CD8A: variants seen among roughly 807,000 people sequenced by gnomAD.
CD8A encodes the protein CD8 subunit alpha, also known as T-cell surface glycoprotein CD8 alpha chain.
CD8A carries 25 observed loss-of-function variants against 24.2 expected under a neutral mutation model. The ratio of observed to expected loss-of-function variants is 1.03; its 90% CI spans 0.75 to 1.44. CD8A has a LOEUF of 1.44. CD8A is among the 40% of genes most tolerant of loss of function. CD8A has a pLI of 0.00. For missense variants in CD8A, 360 were observed against 319.7 expected, an observed-to-expected ratio of 1.13 and a Z score of -0.96; for synonymous variants, 165 against 149.9, an observed-to-expected ratio of 1.10 and a Z score of -0.74.
At chr2:86,793,982 G>A (rs35437846), upstream of CD8A, among the ~76,000 whole-genome samples, 29,491 of 152,118 alleles carry the variant, frequency 0.19, 3,115 homozygotes, top group Non-Finnish European at 0.25. Context: ...TTTGCAGAAC[G>A]TGGTGGATTT....
At chr2:86,788,331 G>T (rs1448918157) in intron 5 of CD8A, among the ~76,000 whole-genome samples, 199 bp downstream of exon 5, 1 of 140,702 alleles carries the variant, frequency 7.1e-6, no homozygotes, top group African/African-American at 2.7e-5. Flanking sequence ...CGCCTAACCC[G>T]GGCCTCCTTT....
At chr2:86,804,451 C>T (rs748942177) in intron 2 of CD8A, among the ~76,000 whole-genome samples, 7 of 151,964 alleles carry the variant, frequency 4.6e-5, no homozygotes, top group South Asian at 2.1e-4. Context: ...TTATGTTTAA[C>T]GGTTATAGAG....
In CD8A at chr2:86,789,699, A is replaced by G; in HGVS notation, c.455T>C (p.Ile152Thr). 1 of 1,402,682 alleles carries G rather than the reference A, an allele frequency of 7.1e-7. No individual in the cohort carries two copies. 86.9% of individuals were successfully genotyped at this position (1,402,682 alleles called of 1,614,324 possible). The change falls in exon 3 of 6, where the codon ATC becomes ACC. Residue 152 changes from isoleucine (I) to threonine (T), a missense_variant. Transcript: ENST00000283635. ...GCGCAGGGACAGGGGCTGCGACGCG[A>G]TGGTGGGCGCCGGTGTTGGTGGTCG... ...APRPPTPAPT[I>T]ASQPLSLRPE...
At chr2:86,796,467 T>C (rs1465838423) in intron 3 of CD8A, among the ~76,000 whole-genome samples, 4 of 152,144 alleles carry the variant, frequency 2.6e-5, no homozygotes, top group Non-Finnish European at 5.9e-5. Context: ...ATGTTTGAAA[T>C]ATAATTGGGA....
At position 86,800,261 on chromosome 2, in the gene CD8A, T is replaced by C. The variant is rs376699185; in HGVS notation, c.-271+1250A>G. Among the ~76,000 whole-genome samples, 26 of 151,992 alleles carry C rather than the reference T, an allele frequency of 1.7e-4. No homozygotes were observed. The East Asian group carries it at 4.6e-3, about 27-fold the overall frequency. The stretch of plus-strand genomic sequence containing the variant: ...GATCACAAGGTCAGGAGTTTGAGAC[T>C]AGCCTGGCCAACATGGTGAAACCCC... On this transcript the variant is annotated intron_variant, in intron 3 of 8. Coordinates refer to the CD8A transcript ENST00000409511.
chr2:86,790,526 A>C lies in CD8A; in HGVS notation c.205T>G (p.Phe69Val), dbSNP rs1673238545. 1.9e-6 allele frequency: 3 copies of C among 1,613,764 alleles called. No individual in the cohort carries two copies. The highest frequency in any genetic ancestry group is 2.5e-6 in the Non-Finnish European group (3 of 1,179,998). ...QPRGAAASPT[F>V]LLYLSQNKPK... ...TTGTTTTGGGAGAGGTATAGGAGGA[A>C]GGTGGGACTGGCGGCGGCGCCGCGC... Residue 69 changes from phenylalanine (F) to valine (V), a missense_variant, in exon 2 of 6, where the codon TTC (phenylalanine) becomes GTC (valine). Physicochemically the swap from Phe to Val is conservative, Grantham distance 50 (BLOSUM62 -1). Coordinates refer to ENST00000283635, the MANE Select transcript of CD8A (RefSeq NM_001768.7).
chr2:86,786,037 C>T, intron 5 of CD8A, 66 bp from the exon 6 acceptor site: 4 of 1,263,686 alleles, frequency 3.2e-6, no homozygotes, highest in Admixed American at 1.7e-5. Context: ...CATCCAGCCA[C>T]GTCCAGCCTC....
intron 2 of CD8A, chr2:86,801,780 A>G (rs2104459992): frequency 6.6e-6 from 1 of 152,326 alleles, no homozygotes; most frequent in South Asian, 2.1e-4. Flanking sequence ...AAAGCAAAAC[A>G]AAATTAATAC....
chr2:86,785,962 G>A lies in CD8A; in HGVS notation c.666C>T (p.Val222=). The A allele has an allele frequency of 1.2e-6, 2 of 1,613,814 alleles. No homozygotes were observed. The highest frequency in any genetic ancestry group is 1.7e-6 in the Non-Finnish European group (2 of 1,179,694). ...AAAGGCTGGGCTTGTCTCCCGATTTGACCACAGGCCTGAAAGAGAGGAAAG... is the reference window on the plus strand; with the variant it reads ...AAAGGCTGGGCTTGTCTCCCGATTTAACCACAGGCCTGAAAGAGAGGAAAG... ...RRVCKCPRPV[V]KSGDKPSLSA... is the part of the protein sequence containing the mutation. Residue 222 remains valine (V), a synonymous_variant, in exon 6 of 6, where the codon GTC becomes GTT. Transcript: ENST00000283635.
chr2:86,800,459 G>C (rs1300445857), intron 3 of CD8A, among the ~76,000 whole-genome samples: 2 of 147,888 alleles, frequency 1.4e-5, no homozygotes, highest in African/African-American at 5.0e-5. Flanking sequence ...AAAAAAAAAA[G>C]AAAGAAAAAA....
chr2:86,800,157 A>G (rs922889157), intron 3 of CD8A, among the ~76,000 whole-genome samples: 1 of 152,100 alleles, frequency 6.6e-6, no homozygotes, highest in African/African-American at 2.4e-5. Context: ...TTTAAAATCT[A>G]TGATAAGATA....
rs1488520311 is a variant in CD8A at position 86,790,308 on chromosome 2, C to T, written c.403+20G>A. The T allele has an allele frequency of 6.3e-7, 1 of 1,581,172 alleles. No individual in the cohort carries two copies. Among genetic ancestry groups the T allele is most frequent in the East Asian group, 2.2e-5 (1 of 44,618 alleles). ...ACCCCAAGCCCCACGCGGAGAGGTG[C>T]CGCAACCCGGCGCGCGGACCTGGCA... On this transcript the variant is annotated intron_variant, in intron 2 of 5. Coordinates refer to ENST00000283635, the MANE Select transcript of CD8A (RefSeq NM_001768.7).
At chr2:86,788,080 T>G (rs556413177) in intron 5 of CD8A, among the ~76,000 whole-genome samples, 7 of 151,978 alleles carry the variant, frequency 4.6e-5, no homozygotes, top group Non-Finnish European at 7.4e-5. Flanking sequence ...CATTATTATT[T>G]TGGTTCAGCT....
At chr2:86,807,264 T>C (rs1673940077) in intron 2 of CD8A, among the ~76,000 whole-genome samples, 1 of 152,064 alleles carries the variant, frequency 6.6e-6, no homozygotes, top group South Asian at 2.1e-4. Context: ...GAGGCTGTAG[T>C]GAGCCGTGAT....
chr2:86,792,723 C>T (rs1470689494), upstream of CD8A, among the ~76,000 whole-genome samples: 3 of 151,836 alleles, frequency 2.0e-5, no homozygotes, highest in East Asian at 1.9e-4. Context: ...CTCCAATGCC[C>T]GAGGTCAGGC....
chr2:86,786,883 T>A (rs988686057), intron 5 of CD8A, among the ~76,000 whole-genome samples: 5 of 150,874 alleles, frequency 3.3e-5, no homozygotes, highest in East Asian at 2.0e-4. Flanking sequence ...AGCCGGGTGT[T>A]GTGGCGGGTG....
chr2:86,789,049 C>T (rs1485613493), intron 4 of CD8A, among the ~76,000 whole-genome samples: 1 of 152,290 alleles, frequency 6.6e-6, no homozygotes, highest in East Asian at 1.9e-4. Context: ...CAGACATGTG[C>T]GCGCGCGCTG....
chr2:86,806,376 A>G (rs1573473231), intron 2 of CD8A, among the ~76,000 whole-genome samples: 1 of 152,194 alleles, frequency 6.6e-6, no homozygotes, highest in African/African-American at 2.4e-5. Flanking sequence ...ACCTGGAAAA[A>G]GGAAGGAAAG....
At chr2:86,787,019 CAAAA>C (rs745778659) in intron 5 of CD8A, among the ~76,000 whole-genome samples, 4 of 36,562 alleles carry the variant, frequency 1.1e-4, no homozygotes, top group African/African-American at 3.3e-4. Flanking sequence ...GACTCCGTCT[CAAAA>C]AAAAAAAAAA....
Sources: allele counts gnomAD v4.1 joint callset (sites outside exome capture counted in the v4.1 genomes callset), GRCh38; gene constraint gnomAD v4.1.1; transcripts MANE v1.5; gene names NCBI Gene and HGNC (gene_info 2026-07-23, HGNC 2026-07-21).